SEMA6D: variants seen among roughly 807,000 people sequenced by gnomAD.
SEMA6D encodes semaphorin 6D.
A neutral mutation model predicts 106.6 loss-of-function variants in SEMA6D; 35 were observed. The ratio of observed to expected loss-of-function variants is 0.33; its 90% CI spans 0.25 to 0.44. The LOEUF is 0.44. SEMA6D is among the 20% of genes least tolerant of loss of function. SEMA6D has a pLI of 1.00. For synonymous variants in SEMA6D, 499 were observed against 487.7 expected (o/e 1.02, Z -0.31); for missense variants, 1,185 against 1,345.9 (o/e 0.88, Z 1.87).
chr15:47,352,646 A>G (rs1040692900), intron 1 of SEMA6D, among the ~76,000 whole-genome samples: 1 of 152,244 alleles, frequency 6.6e-6, no homozygotes, highest in Non-Finnish European at 1.5e-5. Flanking sequence ...GATGCTAAAG[A>G]GAGCTAGTTA....
chr15:47,366,621 G>A (rs896907493), intron 1 of SEMA6D, among the ~76,000 whole-genome samples: 1 of 152,202 alleles, frequency 6.6e-6, no homozygotes, highest in Non-Finnish European at 1.5e-5. Flanking sequence ...TAGAGGAGAT[G>A]ACATTAGACC....
In SEMA6D at chr15:47,772,808, C is replaced by CCCA. The variant is rs1183965541; in HGVS notation, c.*1025_*1026insACC. On this transcript the variant is annotated 3_prime_UTR_variant, in exon 19 of 19. Coordinates refer to ENST00000536845, the MANE Select transcript of SEMA6D (RefSeq NM_001358351.3). ...TATTTTGATTGTGTTCGTTTCCCCC[C>CCCA]CCCCAATAGTAAAATTTCTCCTCCT... The CCCA allele has an allele frequency of 8.4e-6, 1 of 119,662 alleles. No individual in the cohort carries two copies. The highest frequency in any genetic ancestry group is 3.4e-4 in the South Asian group (1 of 2,942). 7.4% of individuals were successfully genotyped at this position (119,662 alleles called of 1,614,324 possible).
chr15:47,428,592 G>C (rs2041423615), intron 2 of SEMA6D, among the ~76,000 whole-genome samples: 1 of 33,964 alleles, frequency 2.9e-5, no homozygotes, highest in Admixed American at 3.0e-4. Flanking sequence ...TGGCCAACAG[G>C]AGGAAGCCCT....
intron 1 of SEMA6D, among the ~76,000 whole-genome samples, chr15:47,391,303 C>G (rs2040021593): frequency 6.6e-6 from 1 of 152,200 alleles, no homozygotes; most frequent in Non-Finnish European, 1.5e-5. Context: ...CACTGTGGAA[C>G]TCTTTCTTGG....
intron 4 of SEMA6D, among the ~76,000 whole-genome samples, chr15:47,633,789 G>T (rs1340224452): frequency 6.6e-6 from 1 of 152,064 alleles, no homozygotes; most frequent in Non-Finnish European, 1.5e-5. Context: ...TTGTACCTCA[G>T]GTTCCAAAGG....
chr15:47,743,995 A>C (rs535799722), intron 1 of SEMA6D, among the ~76,000 whole-genome samples: 1 of 152,324 alleles, frequency 6.6e-6, no homozygotes, highest in African/African-American at 2.4e-5. Context: ...TGTCAGCAGT[A>C]TGACCTCCAG....
chr15:47,771,437 G>A lies in SEMA6D; in HGVS notation c.2874G>A (p.Leu958=), dbSNP rs143580246. 1.2e-5 allele frequency: 20 copies of A among 1,613,946 alleles called. No individual in the cohort carries two copies. Among genetic ancestry groups the A allele is most frequent in the Non-Finnish European group, 1.7e-5 (20 of 1,180,008 alleles). ...CTCCTGGAGTCCCAATGACTTCTCT[G>A]GAAAGACAAAGAGGTTATCACAAAA... The part of the protein sequence containing the change: ...PTTPGVPMTS[L]ERQRGYHKNS... Residue 958 remains leucine (L), a synonymous_variant, in exon 19 of 19, where the codon CTG becomes CTA. Transcript: ENST00000536845.
chr15:47,362,794 T>A (rs2038863634), intron 1 of SEMA6D, among the ~76,000 whole-genome samples: 1 of 152,156 alleles, frequency 6.6e-6, no homozygotes, highest in Non-Finnish European at 1.5e-5. Flanking sequence ...TACTCCATCA[T>A]TTTCTTGTTA....
At chr15:47,262,246 A>C (rs1289107685) in intron 1 of SEMA6D, among the ~76,000 whole-genome samples, 1 of 152,182 alleles carries the variant, frequency 6.6e-6, no homozygotes, top group African/African-American at 2.4e-5. Flanking sequence ...ATATTGTTAA[A>C]ATGGCCGTAC....
chr15:47,194,088 T>TGGATGGGTGGATG (rs1894166236), intron 1 of SEMA6D, among the ~76,000 whole-genome samples: 1 of 151,236 alleles, frequency 6.6e-6, no homozygotes, highest in Admixed American at 6.6e-5. Context: ...GGTGGATGGG[T>TGGATGGGTGGATG]GGATGGGTGG....
At chr15:47,611,885 C>T (rs554618799) in intron 4 of SEMA6D, among the ~76,000 whole-genome samples, 2 of 152,110 alleles carry the variant, frequency 1.3e-5, no homozygotes, top group South Asian at 4.2e-4. Flanking sequence ...GAGCCAGTGC[C>T]CGATGGAAAA....
chr15:47,298,041 GTGTAACGTAAGTAAAATGACATGATC>G (rs370366599), intron 1 of SEMA6D, among the ~76,000 whole-genome samples: 67 of 152,316 alleles, frequency 4.4e-4, no homozygotes, highest in African/African-American at 1.4e-3. Context: ...TTACTCTAAA[GTGTAACGTAAGTAAAATGACATGATC>G]TGATTTATAC....
intron 4 of SEMA6D, among the ~76,000 whole-genome samples, chr15:47,612,952 A>G (rs1256797832): frequency 6.6e-6 from 1 of 152,214 alleles, no homozygotes; most frequent in East Asian, 1.9e-4. Flanking sequence ...AAAGCATAGA[A>G]CACATTTCAG....
At chr15:47,555,114 AC>A (rs1373432145) in intron 3 of SEMA6D, among the ~76,000 whole-genome samples, 6 of 152,164 alleles carry the variant, frequency 3.9e-5, no homozygotes, top group Non-Finnish European at 8.8e-5. Flanking sequence ...GTAAAGGTAG[AC>A]TTGAGCCACT....
intron 1 of SEMA6D, among the ~76,000 whole-genome samples, chr15:47,726,115 C>T (rs185206347): frequency 5.3e-5 from 8 of 152,350 alleles, no homozygotes; most frequent in Admixed American, 5.2e-4. Flanking sequence ...AAGCTGCCTC[C>T]CCCTGCGCAG....
intron 1 of SEMA6D, among the ~76,000 whole-genome samples, chr15:47,353,993 T>C (rs1456702327): frequency 6.6e-6 from 1 of 151,998 alleles, no homozygotes; most frequent in African/African-American, 2.4e-5. Context: ...ACTCAAAATA[T>C]TATTTAGTTC....
intron 1 of SEMA6D, among the ~76,000 whole-genome samples, chr15:47,243,291 C>T (rs1163987625): frequency 6.6e-6 from 1 of 152,094 alleles, no homozygotes; most frequent in African/African-American, 2.4e-5. Flanking sequence ...CATCTCATAG[C>T]ATCAACCCAT....
At chr15:47,432,175 C>CA (rs2041551455) in intron 2 of SEMA6D, among the ~76,000 whole-genome samples, 1 of 152,028 alleles carries the variant, frequency 6.6e-6, no homozygotes, top group Non-Finnish European at 1.5e-5. Flanking sequence ...TGTTAATACT[C>CA]ACACTGAAAA....
intron 4 of SEMA6D, among the ~76,000 whole-genome samples, chr15:47,650,608 C>T (rs894637789): frequency 1.3e-5 from 2 of 152,164 alleles, no homozygotes; most frequent in African/African-American, 4.8e-5. Context: ...TTTCAAATCT[C>T]ACGTTTATTA....
Sources: allele counts gnomAD v4.1 joint callset (sites outside exome capture counted in the v4.1 genomes callset), GRCh38; gene constraint gnomAD v4.1.1; transcripts MANE v1.5; gene names NCBI Gene and HGNC (gene_info 2026-07-23, HGNC 2026-07-21).